Variants in SH3RF1 observed in about 807,000 individuals in gnomAD.
The protein encoded by SH3RF1 is E3 ubiquitin-protein ligase SH3RF1.
A neutral mutation model predicts 74.0 loss-of-function variants in SH3RF1; 32 were observed. The observed-to-expected ratio is 0.43, with a 90% CI of 0.33 to 0.58. The LOEUF (loss-of-function observed/expected upper bound fraction) is 0.58, where lower values mean the gene tolerates loss of function less well. Among genes scored for constraint, SH3RF1 ranks in the 20% least tolerant of loss-of-function variants. The probability of loss-of-function intolerance (pLI) is 0.05; values close to 1 mark genes in which losing one functional copy is unlikely to be tolerated. For synonymous variants in SH3RF1, 396 were observed against 439.6 expected, an observed-to-expected ratio of 0.90 and a Z score of 1.24; for missense variants, 954 against 1,130.9, an observed-to-expected ratio of 0.84 and a Z score of 2.24.
At chr4:169,098,359 A>T (rs1732964020) in intron 11 of SH3RF1, among the ~76,000 whole-genome samples, 1 of 152,246 alleles carries the variant, frequency 6.6e-6, no homozygotes, top group South Asian at 2.1e-4. Flanking sequence ...TATGGCTTCA[A>T]AATGATAGGC....
intron 2 of SH3RF1, among the ~76,000 whole-genome samples, chr4:169,181,698 TA>T (rs1234235033): frequency 2.6e-5 from 4 of 152,224 alleles, no homozygotes; most frequent in African/African-American, 9.7e-5. Flanking sequence ...TGTGGATAAT[TA>T]ATACATTCAT....
chr4:169,119,278 ATTTTTT>A (rs11397253), intron 8 of SH3RF1, among the ~76,000 whole-genome samples: 9 of 66,410 alleles, frequency 1.4e-4, no homozygotes, highest in African/African-American at 5.3e-4. Context: ...TAATTTTTGT[ATTTTTT>A]TTTTTTTTTT....
chr4:169,112,954 T>G (rs1179818566), intron 10 of SH3RF1, among the ~76,000 whole-genome samples: 1 of 152,132 alleles, frequency 6.6e-6, no homozygotes, highest in Non-Finnish European at 1.5e-5. Flanking sequence ...GAGTTGGGAT[T>G]TAGAGATCAA....
chr4:169,265,756 G>A (rs896070276), intron 2 of SH3RF1, among the ~76,000 whole-genome samples: 3 of 152,070 alleles, frequency 2.0e-5, no homozygotes, highest in East Asian at 1.9e-4. Context: ...GATTATAGGC[G>A]TGAGCCACCA....
At chr4:169,141,628 T>C (rs367840075) in intron 4 of SH3RF1, among the ~76,000 whole-genome samples, 1 of 151,138 alleles carries the variant, frequency 6.6e-6, no homozygotes, top group Non-Finnish European at 1.5e-5. Flanking sequence ...TCTTATAGAC[T>C]GATATAAATA....
At chr4:169,129,173 G>A (rs975100060) in intron 6 of SH3RF1, among the ~76,000 whole-genome samples, 2 of 152,168 alleles carry the variant, frequency 1.3e-5, no homozygotes, top group Non-Finnish European at 2.9e-5. Flanking sequence ...ATTGGTGTAG[G>A]TACTAGGGCA....
intron 2 of SH3RF1, among the ~76,000 whole-genome samples, chr4:169,189,290 T>A (rs943715678): frequency 1.3e-5 from 2 of 152,262 alleles, no homozygotes; most frequent in Admixed American, 6.5e-5. Context: ...AGGCAGCACC[T>A]CGTGCTGACA....
chr4:169,204,611 C>T (rs910891356), intron 2 of SH3RF1, among the ~76,000 whole-genome samples: 1 of 140,540 alleles, frequency 7.1e-6, no homozygotes, highest in South Asian at 2.2e-4. Flanking sequence ...AGTGCAGTGG[C>T]GTGATCTTGG....
At chr4:169,144,348 T>C (rs543600826) in intron 4 of SH3RF1, among the ~76,000 whole-genome samples, 2 of 152,332 alleles carry the variant, frequency 1.3e-5, no homozygotes, top group African/African-American at 2.4e-5. Flanking sequence ...ATACCTATTC[T>C]CAACCCAAAC....
At chr4:169,186,728 C>T (rs1184640343) in intron 2 of SH3RF1, among the ~76,000 whole-genome samples, 1 of 151,002 alleles carries the variant, frequency 6.6e-6, no homozygotes, top group Admixed American at 6.6e-5. Flanking sequence ...TATTAAGATC[C>T]GGGCGTGGTG....
At chr4:169,160,981 T>C (rs1022898413) in intron 2 of SH3RF1, among the ~76,000 whole-genome samples, 9 of 152,206 alleles carry the variant, frequency 5.9e-5, no homozygotes, top group African/African-American at 2.2e-4. Flanking sequence ...GAGAGTCATG[T>C]CATCACTGGG....
chr4:169,103,313 A>T (rs1733073893), intron 11 of SH3RF1, among the ~76,000 whole-genome samples: 1 of 152,042 alleles, frequency 6.6e-6, no homozygotes, highest in African/African-American at 2.4e-5. Flanking sequence ...TATAATCTGT[A>T]GATGAATCCT....
At chr4:169,185,505 G>A (rs1734586565) in intron 2 of SH3RF1, among the ~76,000 whole-genome samples, 1 of 152,202 alleles carries the variant, frequency 6.6e-6, no homozygotes, top group African/African-American at 2.4e-5. Context: ...TTTTAAGGAA[G>A]TATTTTAGTT....
Position 169,159,686 on chromosome 4 carries a change from C to T in SH3RF1, c.394-3007G>A, listed in dbSNP as rs779598281. ...TGTGAACCATCATCATTGTCATCAT[C>T]GTCATCATTACCCAGTGTAAAAAGC... On this transcript the variant is annotated intron_variant, in intron 2 of 11. Transcript: ENST00000284637. Among the ~76,000 whole-genome samples the T allele has an allele frequency of 9.9e-5, 15 of 152,178 alleles. 1 individual carries two copies. Among genetic ancestry groups the T allele is most frequent in the Admixed American group, 2.6e-4 (4 of 15,278 alleles).
At chr4:169,246,339 C>A (rs1730994312) in intron 2 of SH3RF1, among the ~76,000 whole-genome samples, 1 of 152,134 alleles carries the variant, frequency 6.6e-6, no homozygotes, top group African/African-American at 2.4e-5. Flanking sequence ...CAAATTTTCC[C>A]CAGCATATTT....
chr4:169,220,442 C>T (rs543860489), intron 2 of SH3RF1: 1 of 152,360 alleles, frequency 6.6e-6, no homozygotes, highest in South Asian at 2.1e-4. Flanking sequence ...TGATCCTCTC[C>T]TCCACAGGAT....
chr4:169,241,727 A>G (rs907020895), intron 2 of SH3RF1, among the ~76,000 whole-genome samples: 33 of 152,362 alleles, frequency 2.2e-4, no homozygotes, highest in African/African-American at 7.5e-4. Context: ...CTGCTGAAAC[A>G]CTGTGTGGGC....
chr4:169,201,941 G>A (rs991824402), intron 2 of SH3RF1: 2 of 152,180 alleles, frequency 1.3e-5, no homozygotes, highest in African/African-American at 4.8e-5. Flanking sequence ...GTGAACTTGG[G>A]TTCACACCCC....
intron 2 of SH3RF1, among the ~76,000 whole-genome samples, chr4:169,192,354 T>C (rs1435945201): frequency 1.3e-5 from 2 of 152,030 alleles, no homozygotes; most frequent in South Asian, 4.2e-4. Context: ...CAAAAGAAGA[T>C]ATACAAATGG....
Sources: allele counts gnomAD v4.1 joint callset (sites outside exome capture counted in the v4.1 genomes callset), GRCh38; gene constraint gnomAD v4.1.1; transcripts MANE v1.5; gene names NCBI Gene and HGNC (gene_info 2026-07-23, HGNC 2026-07-21).